Variants in PIBF1 observed in about 807,000 individuals in gnomAD.
PIBF1 encodes the protein progesterone-induced-blocking factor 1.
PIBF1 carries 90 observed loss-of-function variants against 112.5 expected under a neutral mutation model. The ratio of observed to expected loss-of-function variants is 0.80; its 90% CI spans 0.67 to 0.95. The LOEUF (loss-of-function observed/expected upper bound fraction) is 0.95, where lower values mean the gene tolerates loss of function less well. Ranked by LOEUF, PIBF1 falls within the 40% of genes least tolerant of loss-of-function variation. The probability of loss-of-function intolerance (pLI) is 0.00; values close to 1 mark genes in which losing one functional copy is unlikely to be tolerated. For missense variants in PIBF1, 915 were observed against 852.3 expected, an observed-to-expected ratio of 1.07 and a Z score of -0.92; for synonymous variants, 301 against 288.6, an observed-to-expected ratio of 1.04 and a Z score of -0.44.
rs532517164 is a variant in PIBF1, at chr13:72,909,642, C to A, written c.1639+961C>A. On this transcript the variant is annotated intron_variant, in intron 12 of 17. Coordinates refer to ENST00000326291, the MANE Select transcript of PIBF1 (RefSeq NM_006346.4). ...CCGGGTAGCTGGGATTACAGGCATG[C>A]GCCACCACACCCAGCTCATTTTGTA... is the stretch of plus-strand genomic sequence containing the variant. 4.6e-5 allele frequency among the ~76,000 whole-genome samples: 7 copies of A among 151,952 alleles called. No homozygotes were observed. The East Asian group carries it at 1.2e-3, about 25-fold the overall frequency.
At chr13:72,844,473 A>T (rs2037744719) in intron 9 of PIBF1, among the ~76,000 whole-genome samples, 1 of 151,792 alleles carries the variant, frequency 6.6e-6, no homozygotes, top group South Asian at 2.1e-4. Flanking sequence ...ATTTCTCCTA[A>T]TGCTCTCCGT....
chr13:72,827,765 G>T lies in PIBF1; in HGVS notation c.948G>T (p.Leu316=), dbSNP rs1340196776. The part of the protein sequence containing the change: ...VVTLEQTVTL[L]QKDKEYLNRQ... ...CCTTAGAGCAAACTGTTACTTTACT[G>T]CAAAAGGATAAAGAATATCTTAATC... The change falls in exon 8 of 18, where the codon CTG becomes CTT. Residue 316 remains leucine, a synonymous_variant. Coordinates refer to ENST00000326291, the MANE Select transcript of PIBF1 (RefSeq NM_006346.4). The T allele has an allele frequency of 1.3e-6, 2 of 1,591,868 alleles. No individual in the cohort carries two copies. The highest frequency in any genetic ancestry group is 1.7e-6 in the Non-Finnish European group (2 of 1,169,328).
At chr13:72,986,801 C>T (rs926404275) in intron 16 of PIBF1, among the ~76,000 whole-genome samples, 2 of 151,698 alleles carry the variant, frequency 1.3e-5, no homozygotes, top group African/African-American at 4.8e-5. Flanking sequence ...CGCCATTCTC[C>T]TGCCTCAGCC....
At position 72,827,239 on chromosome 13, in the gene PIBF1, T is replaced by A. The variant is rs927028984; in HGVS notation, c.915+121T>A. The A allele has an allele frequency of 5.6e-3, 161 of 28,862 alleles. 2 individuals are homozygous for A. In the East Asian group the frequency reaches 0.083, roughly 15 times the overall value. 1.8% of individuals were successfully genotyped at this position (28,862 alleles called of 1,614,324 possible). A position where few individuals can be genotyped will look rare whatever the true frequency, so the allele number is the denominator to read the frequency against. ...ATGTAGTTCCTCCCAAAAAGATAAATTTTTTTTTTTTTTTTTTTTTTTTTT... is the reference window on the plus strand; with the variant it reads ...ATGTAGTTCCTCCCAAAAAGATAAAATTTTTTTTTTTTTTTTTTTTTTTTT... On this transcript the variant is annotated intron_variant, in intron 7 of 17. Coordinates refer to ENST00000326291, the MANE Select transcript of PIBF1 (RefSeq NM_006346.4).
At chr13:72,951,455 T>G (rs2042293197) in intron 14 of PIBF1, among the ~76,000 whole-genome samples, 1 of 152,170 alleles carries the variant, frequency 6.6e-6, no homozygotes, top group Non-Finnish European at 1.5e-5. Flanking sequence ...AAATATTTCC[T>G]CAGAAAATGC....
intron 5 of PIBF1, among the ~76,000 whole-genome samples, chr13:72,817,711 A>T (rs1230941229): frequency 6.6e-6 from 1 of 152,176 alleles, no homozygotes; most frequent in African/African-American, 2.4e-5. Context: ...CTTCCCACAA[A>T]GGTTGATGCT....
At chr13:72,848,831 C>CAAAAA (rs1250173775) in intron 9 of PIBF1, among the ~76,000 whole-genome samples, 1 of 93,848 alleles carries the variant, frequency 1.1e-5, no homozygotes, top group Non-Finnish European at 2.2e-5. Flanking sequence ...GACTCCGTCT[C>CAAAAA]AAAAAAAAAA....
chr13:72,790,777 A>T (rs1181242172), intron 2 of PIBF1, among the ~76,000 whole-genome samples: 2 of 152,164 alleles, frequency 1.3e-5, no homozygotes, highest in African/African-American at 4.8e-5. Flanking sequence ...GTCAAATAAG[A>T]TAAATAGGCA....
chr13:72,945,290 A>G (rs978399784), intron 14 of PIBF1, among the ~76,000 whole-genome samples: 2 of 152,102 alleles, frequency 1.3e-5, no homozygotes, highest in African/African-American at 4.8e-5. Context: ...TATCCAATCC[A>G]TTGTTATGGG....
intron 10 of PIBF1, among the ~76,000 whole-genome samples, chr13:72,865,362 C>CCT (rs2038881173): frequency 6.6e-6 from 1 of 152,114 alleles, no homozygotes; most frequent in Non-Finnish European, 1.5e-5. Context: ...GGCCGTTTGA[C>CCT]TAAAACTTTA....
chr13:72,880,325 A>G (rs752108036), intron 10 of PIBF1, among the ~76,000 whole-genome samples: 2 of 152,218 alleles, frequency 1.3e-5, no homozygotes, highest in African/African-American at 2.4e-5. Flanking sequence ...AACATGGAAC[A>G]TGACAAGACA....
chr13:72,900,242 GA>G (rs1179006791), intron 11 of PIBF1, among the ~76,000 whole-genome samples: 6 of 151,126 alleles, frequency 4.0e-5, no homozygotes, highest in Admixed American at 1.3e-4. Context: ...CCCAGAGTTA[GA>G]AAAAAAAATT....
At chr13:72,996,754 A>AT (rs1269526931) in intron 16 of PIBF1, among the ~76,000 whole-genome samples, 1 of 152,124 alleles carries the variant, frequency 6.6e-6, no homozygotes, top group Non-Finnish European at 1.5e-5. Context: ...ACAACAGAGC[A>AT]AGACCCTGTC....
chr13:72,973,683 T>C lies in PIBF1; in HGVS notation c.2049+8T>C. 1 of 1,456,446 alleles carries C rather than the reference T, an allele frequency of 6.9e-7. No homozygotes were observed. Among genetic ancestry groups the C allele is most frequent in the Non-Finnish European group, 9.5e-7 (1 of 1,049,156 alleles). 90.2% of individuals were successfully genotyped at this position (1,456,446 alleles called of 1,614,324 possible). On this transcript the variant is annotated splice_region_variant and intron_variant, in intron 16 of 17. Transcript: ENST00000326291. ...CTTCTAAATCATCGTGAGGTATTTTTCCTATTTTGTCATAATTGTAATCAT... is the reference window on the plus strand; with the variant it reads ...CTTCTAAATCATCGTGAGGTATTTTCCCTATTTTGTCATAATTGTAATCAT...
At chr13:72,975,326 A>C (rs2042993695) in intron 16 of PIBF1, among the ~76,000 whole-genome samples, 1 of 152,136 alleles carries the variant, frequency 6.6e-6, no homozygotes, top group Non-Finnish European at 1.5e-5. Context: ...AAGTGCTGGG[A>C]TTACAGGTGT....
At chr13:72,924,848 A>T (rs2041426439) in intron 13 of PIBF1, among the ~76,000 whole-genome samples, 1 of 152,238 alleles carries the variant, frequency 6.6e-6, no homozygotes, top group Non-Finnish European at 1.5e-5. Flanking sequence ...ACATGAAAGA[A>T]TATATAAACT....
chr13:73,004,413 C>A (rs1025511094), intron 17 of PIBF1, among the ~76,000 whole-genome samples: 1 of 151,598 alleles, frequency 6.6e-6, no homozygotes, highest in African/African-American at 2.4e-5. Flanking sequence ...ATCACTTGAA[C>A]CCAGGAGGCG....
rs545427779 is a variant in PIBF1, at chr13:72,808,649, T to C, written c.672+10623T>C. 2.6e-5 allele frequency among the ~76,000 whole-genome samples: 4 copies of C among 152,282 alleles called. No individual in the cohort carries two copies. In the East Asian group the frequency reaches 7.7e-4, roughly 29 times the overall value. ...AGAGTCTGTCCTACACATATGTTGT[T>C]TAGAGGGTAGCCAGATACTTAAGCA... On this transcript the variant is annotated intron_variant, in intron 5 of 17. Transcript: ENST00000326291.
intron 10 of PIBF1, among the ~76,000 whole-genome samples, chr13:72,889,961 T>TA (rs1014999506): frequency 2.6e-5 from 4 of 152,136 alleles, no homozygotes; most frequent in African/African-American, 7.2e-5. Context: ...CTCATTGAAA[T>TA]AAAAAAGATT....
Sources: gnomAD v4.1 joint callset for allele counts (sites outside exome capture counted in the v4.1 genomes callset) on GRCh38, gnomAD v4.1.1 for gene constraint, MANE v1.5 for transcripts, NCBI Gene and HGNC (gene_info 2026-07-23, HGNC 2026-07-21) for gene names.